The following DHRS2 variants were observed in gnomAD, a reference collection of about 807,000 sequenced individuals.
The protein encoded by DHRS2 is dehydrogenase/reductase SDR family member 2, mitochondrial.
In DHRS2, 29 loss-of-function variants were observed where a neutral mutation model predicts 26.3. That is an observed-to-expected ratio of 1.10 (90% CI 0.82 to 1.50). DHRS2 has a LOEUF of 1.50. DHRS2 is among the 40% of genes most tolerant of loss of function. DHRS2 has a pLI of 0.00. For missense variants in DHRS2, 439 were observed against 367.1 expected, an observed-to-expected ratio of 1.20 and a Z score of -1.60; for synonymous variants, 164 against 151.3, an observed-to-expected ratio of 1.08 and a Z score of -0.62.
At chr14:23,644,205 G>C in intron 6 of DHRS2, 43 bp downstream of exon 6, 2 of 1,607,676 alleles carry the variant, frequency 1.2e-6, no homozygotes, top group Non-Finnish European at 8.5e-7. Context: ...ATAGGGTGAG[G>C]GGCAACTTTG....
intron 1 of DHRS2, among the ~76,000 whole-genome samples, chr14:23,637,079 A>G (rs933619438): frequency 2.0e-5 from 3 of 152,202 alleles, no homozygotes; most frequent in Non-Finnish European, 2.9e-5. Context: ...CCCTGCGGCC[A>G]TGAGCGGAAC....
chr14:23,642,656 T>A (rs1162306364), intron 4 of DHRS2: 1 of 157,110 alleles, frequency 6.4e-6, no homozygotes, highest in East Asian at 1.9e-4. Context: ...AGCTTCAAAC[T>A]CCTGGGCTTA....
chr14:23,632,139 G>A (rs993356627), upstream of DHRS2, among the ~76,000 whole-genome samples: 5 of 152,150 alleles, frequency 3.3e-5, no homozygotes, highest in African/African-American at 9.7e-5. Context: ...GTCCTGTCCC[G>A]ACAAAAGGCG....
rs1566697501 is a variant in DHRS2, at chr14:23,636,472, G to GT, written c.-338dup. The GT allele has an allele frequency of 6.6e-6, 1 of 152,144 alleles. No homozygotes were observed. Among genetic ancestry groups the GT allele is most frequent in the Non-Finnish European group, 1.5e-5 (1 of 68,088 alleles). The allele number at this position is 152,144 out of a possible 1,614,324, so 9.4% of individuals were successfully genotyped here. ...TGGGTCCGTGCCACCTTTAAGAGCT[G>GT]TAACACTCACCGCGAAGGTCTGCAA... On this transcript the variant is annotated 5_prime_UTR_variant, in exon 1 of 9. Transcript: ENST00000250383.
At chr14:23,641,207 A>G (rs1459852745) in intron 4 of DHRS2, 1 of 162,148 alleles carries the variant, frequency 6.2e-6, no homozygotes, top group South Asian at 1.7e-4. Context: ...TTTCAACTAA[A>G]TGTGTTTTCC....
intron 4 of DHRS2, chr14:23,640,361 C>T (rs1250293139): frequency 1.0e-6 from 1 of 985,354 alleles, no homozygotes; most frequent in African/African-American, 1.7e-5. Flanking sequence ...CTCACTGAGT[C>T]CCACACAAAC....
At chr14:23,634,056 CTTCT>C (rs1477575947), upstream of DHRS2, among the ~76,000 whole-genome samples, 17 of 85,852 alleles carry the variant, frequency 2.0e-4, no homozygotes, top group Non-Finnish European at 3.5e-4. Flanking sequence ...TAGTTTGCCC[CTTCT>C]TTTTTTTTTT....
At chr14:23,643,771 G>A (rs562053816) in intron 5 of DHRS2, 38 of 381,702 alleles carry the variant, frequency 1.0e-4, no homozygotes, top group South Asian at 8.5e-4. Flanking sequence ...CTGCTCCTTA[G>A]AGGTTGCTCA....
chr14:23,642,163 C>A, intron 4 of DHRS2: 2 of 1,026,554 alleles, frequency 1.9e-6, no homozygotes, highest in Non-Finnish European at 2.3e-6. Context: ...TTGTGTCTCC[C>A]TGTTTGTATT....
At chr14:23,645,053 T>C in intron 8 of DHRS2, 89 bp from the exon 9 acceptor site, 1 of 1,596,402 alleles carries the variant, frequency 6.3e-7, no homozygotes, top group Non-Finnish European at 8.6e-7. Flanking sequence ...TTGTTCCCCA[T>C]GGAGCCCACT....
chr14:23,636,999 C>T (rs1018623724), intron 1 of DHRS2, among the ~76,000 whole-genome samples: 2 of 152,144 alleles, frequency 1.3e-5, no homozygotes, highest in South Asian at 2.1e-4. Flanking sequence ...TCCTGTACTT[C>T]TGGGCTGAGC....
At chr14:23,633,898 A>C (rs1312936146), upstream of DHRS2, among the ~76,000 whole-genome samples, 1 of 152,134 alleles carries the variant, frequency 6.6e-6, no homozygotes, top group Non-Finnish European at 1.5e-5. Context: ...TGAGCAGGTA[A>C]TCTTTACTTT....
chr14:23,638,511 C>T (rs371974110), intron 1 of DHRS2: 16 of 202,526 alleles, frequency 7.9e-5, no homozygotes, highest in East Asian at 3.1e-4. Context: ...AAGGTGTCCC[C>T]GCCTCTACTG....
chr14:23,639,474 C>A, intron 3 of DHRS2, 118 bp downstream of exon 3: 1 of 1,371,376 alleles, frequency 7.3e-7, no homozygotes, highest in Non-Finnish European at 9.6e-7. Context: ...TGCACCCAGG[C>A]TGCCCAAGCT....
chr14:23,640,256 A>G lies in DHRS2; in HGVS notation c.420+361A>G, dbSNP rs374698316. ...CTCTGTAAGAGTCAAACATTTTTGT[A>G]TGGTACACCCTTTTGTAGGGGAAGA... On this transcript the variant is annotated intron_variant, in intron 4 of 8. Transcript: ENST00000250383. The G allele has an allele frequency of 8.1e-6, 8 of 992,974 alleles. No individual in the cohort carries two copies. In the East Asian group the frequency reaches 4.3e-4, roughly 53 times the overall value. 61.5% of individuals were successfully genotyped at this position (992,974 alleles called of 1,614,324 possible).
chr14:23,639,213 G>T lies in DHRS2; in HGVS notation c.175G>T (p.Asp59Tyr). ...GFAIARRLAR[D>Y]GAHVVISSRK... ...TGCCATCGCCCGACGTCTGGCCCGG[G>T]ACGGGGCCCACGTGGTCATCAGCAG... Residue 59 changes from aspartate (D) to tyrosine (Y), a missense_variant, in exon 3 of 9, where the codon GAC becomes TAC. By Grantham distance (160) the Asp-to-Tyr change is radical. Coordinates refer to ENST00000250383, the MANE Select transcript of DHRS2 (RefSeq NM_005794.4). 6.2e-7 allele frequency: 1 copy of T among 1,613,946 alleles called. No homozygotes were observed.
chr14:23,638,991 G>C lies in DHRS2; in HGVS notation c.127G>C (p.Gly43Arg). The C allele has an allele frequency of 6.2e-7, 1 of 1,613,316 alleles. No homozygotes were observed. Among genetic ancestry groups the C allele is most frequent in the East Asian group, 2.2e-5 (1 of 44,882 alleles). ...VLANRVAVVT[G>R]STSGIGFAIA... Reference sequence around the variant, plus strand: ...GGCTAACCGGGTAGCCGTGGTCACGGGGTCCACCAGTGGGTGAGTGCTGGA... The same window carrying C: ...GGCTAACCGGGTAGCCGTGGTCACGCGGTCCACCAGTGGGTGAGTGCTGGA... The change falls in exon 2 of 9, where the codon GGG becomes CGG. Residue 43 changes from glycine to arginine, a missense_variant. Coordinates refer to ENST00000250383, the MANE Select transcript of DHRS2 (RefSeq NM_005794.4).
intron 4 of DHRS2, chr14:23,642,346 C>G (rs1316629829): frequency 5.5e-6 from 1 of 181,896 alleles, no homozygotes; most frequent in Admixed American, 6.5e-5. Flanking sequence ...CTGATTTTTC[C>G]TTTTCTCCAT....
chr14:23,643,884 G>A, intron 5 of DHRS2: 1 of 571,322 alleles, frequency 1.8e-6, no homozygotes. Flanking sequence ...TAAGGGTTCT[G>A]AGCATGGACA....
Sources: gnomAD v4.1 joint callset for allele counts (sites outside exome capture counted in the v4.1 genomes callset) on GRCh38, gnomAD v4.1.1 for gene constraint, MANE v1.5 for transcripts, NCBI Gene and HGNC (gene_info 2026-07-23, HGNC 2026-07-21) for gene names.